The following CENPT variants were observed in gnomAD, a reference collection of about 807,000 sequenced individuals.
The protein encoded by CENPT is centromere protein T.
In CENPT, 42 loss-of-function variants were observed where a neutral mutation model predicts 59.7. The observed-to-expected ratio is 0.70, with a 90% CI of 0.55 to 0.91. CENPT has a LOEUF of 0.91. Ranked by LOEUF, CENPT falls within the 40% of genes least tolerant of loss-of-function variation. CENPT has a pLI of 0.00. For missense variants in CENPT, 716 were observed against 713.4 expected (o/e 1.00, Z -0.04); for synonymous variants, 295 against 289.6 (o/e 1.02, Z -0.19).
In CENPT at chr16:67,843,661, C is replaced by CAGGAGGAAA; in HGVS notation, c.-492+3739_-492+3740insTTTCCTCCT. Reference sequence around the variant, plus strand: ...GACCTGGCATCCTCAATTGTTTCCTCCTGAAGTGGAAGCTGGGGCCTTAGA... The same window carrying CAGGAGGAAA: ...GACCTGGCATCCTCAATTGTTTCCTCAGGAGGAAACTGAAGTGGAAGCTGGGGCCTTAGA... On this transcript the variant is annotated intron_variant, in intron 1 of 15. Coordinates refer to ENST00000562787, the MANE Select transcript of CENPT (RefSeq NM_025082.4). This position sits in a 1 kb window ranked among gnomAD's most constrained non-coding sequence, Gnocchi z 5.7. The CAGGAGGAAA allele has an allele frequency of 1.4e-6, 1 of 696,036 alleles. No homozygotes were observed. The highest frequency in any genetic ancestry group is 2.4e-6 in the Non-Finnish European group (1 of 421,032). 43.1% of individuals were successfully genotyped at this position (696,036 alleles called of 1,614,324 possible). A position where few individuals can be genotyped will look rare whatever the true frequency, so the allele number is the denominator to read the frequency against.
rs914985553 is a variant in CENPT at position 67,847,552 on chromosome 16, C to T, written c.-643G>A. 7 of 152,444 alleles carry T rather than the reference C, an allele frequency of 4.6e-5. No homozygotes were observed. Among genetic ancestry groups the T allele is most frequent in the African/African-American group, 1.7e-4 (7 of 41,490 alleles). The allele number at this position is 152,444 out of a possible 1,614,324, so 9.4% of individuals were successfully genotyped here. ...GTGTAGGTGAACGCCCCCTCCTTGT[C>T]TGCCCCTCGGAAGTGTACGTTTCTT... On this transcript the variant is annotated 5_prime_UTR_variant, in exon 1 of 16. Coordinates refer to ENST00000562787, the MANE Select transcript of CENPT (RefSeq NM_025082.4).
chr16:67,828,233 A>C lies in CENPT; in HGVS notation c.*34T>G, dbSNP rs1271946081. On this transcript the variant is annotated 3_prime_UTR_variant, in exon 16 of 16. Coordinates refer to ENST00000562787, the MANE Select transcript of CENPT (RefSeq NM_025082.4). ...GAAATATGTGGGGGCAAGAGTCCCCAGGTGGGGACAGGGAAAGTGTTGAAG... is the reference window on the plus strand; with the variant it reads ...GAAATATGTGGGGGCAAGAGTCCCCCGGTGGGGACAGGGAAAGTGTTGAAG... 6.5e-7 allele frequency: 1 copy of C among 1,546,996 alleles called. No individual in the cohort carries two copies. The highest frequency in any genetic ancestry group is 1.4e-5 in the African/African-American group (1 of 72,772).
chr16:67,839,059 T>C (rs764070317), intron 1 of CENPT, among the ~76,000 whole-genome samples: 8 of 151,874 alleles, frequency 5.3e-5, no homozygotes, highest in Admixed American at 1.3e-4. Flanking sequence ...CAGACTAGCC[T>C]GCCCAACATG....
chr16:67,828,565 A>G lies in CENPT; in HGVS notation c.1471T>C (p.Phe491Leu). 1.9e-6 allele frequency: 3 copies of G among 1,614,210 alleles called. No homozygotes were observed. Among genetic ancestry groups the G allele is most frequent in the Non-Finnish European group, 2.5e-6 (3 of 1,180,028 alleles). Residue 491 changes from phenylalanine (F) to leucine (L), a missense_variant, in exon 15 of 16, where the codon TTC (phenylalanine) becomes CTC (leucine). Transcript: ENST00000562787. ...TCCAGATCATCACAAAGATGCTGGA[A>G]ATATTTATCTAGGCTGTCAAGAAGG... Reference protein sequence around the residue: ...EMVEKCLDKYFQHLCDDLEVF... With the variant: ...EMVEKCLDKYLQHLCDDLEVF...
In CENPT at chr16:67,832,520, C is replaced by A; in HGVS notation, c.136G>T (p.Ala46Ser). The A allele has an allele frequency of 6.2e-7, 1 of 1,614,122 alleles. No individual in the cohort carries two copies. Among genetic ancestry groups the A allele is most frequent in the Non-Finnish European group, 8.5e-7 (1 of 1,180,002 alleles). Residue 46 changes from alanine (A) to serine (S), a missense_variant, in exon 5 of 16, where the codon GCT becomes TCT. Ala to Ser is a moderately conservative substitution (Grantham distance 99, BLOSUM62 1). Transcript: ENST00000562787. ...AGARRALLET[A>S]SPRKLSGQTR... ...TGGCCACTCAACTTCCTGGGGGAAG[C>A]CGTTTCAAGCAGGGCTCTCCGGGCT...
chr16:67,846,239 T>G (rs184446941), intron 1 of CENPT, among the ~76,000 whole-genome samples: 2 of 152,386 alleles, frequency 1.3e-5, no homozygotes, highest in Non-Finnish European at 2.9e-5. Context: ...AACACTTAGC[T>G]GCTCTATCTG....
intron 11 of CENPT, 24 bp downstream of exon 11, chr16:67,830,366 A>G (rs1298384113): frequency 1.3e-6 from 2 of 1,585,408 alleles, no homozygotes; most frequent in African/African-American, 1.4e-5. Flanking sequence ...ATTTGGCTCC[A>G]GGCCACCAGT....
Position 67,828,332 on chromosome 16 carries a change from G to T in CENPT, c.1621C>A (p.Leu541Met). Residue 541 changes from leucine to methionine, a missense_variant, in exon 16 of 16, where the codon CTG (leucine) becomes ATG (methionine). Physicochemically the swap from Leu to Met is conservative, Grantham distance 15. Transcript: ENST00000562787. ...GGGATGAGCAGCTGCCGGTACTCCA[G>T]GGGCAGGTGCCGCTCCACTAGCACG... ...LHVLVERHLPLEYRQLLIPCA... is the reference protein window; with the variant it reads ...LHVLVERHLPMEYRQLLIPCA... The T allele has an allele frequency of 6.2e-7, 1 of 1,609,536 alleles. No individual in the cohort carries two copies. The highest frequency in any genetic ancestry group is 1.1e-5 in the South Asian group (1 of 90,822).
chr16:67,831,963 C>G, intron 7 of CENPT, 49 bp downstream of exon 7: 1 of 1,586,788 alleles, frequency 6.3e-7, no homozygotes, highest in Non-Finnish European at 8.6e-7. Flanking sequence ...AAGAAACTCC[C>G]GGACTAAGCT....
At position 67,831,234 on chromosome 16, in the gene CENPT, T is replaced by C; in HGVS notation, c.685A>G (p.Thr229Ala). Residue 229 changes from threonine to alanine, a missense_variant, in exon 10 of 16, where the codon ACT (threonine) becomes GCT (alanine). Physicochemically the swap from Thr to Ala is moderately conservative, Grantham distance 58. Transcript: ENST00000562787. The part of the protein sequence containing the change: ...VGAFLRDLRD[T>A]SLAPPNIVLE... ...ACCTTACTTGGAGGAGCCAGGGAAG[T>C]ATCTCGCAGATCCCGCAAAAAGGCA... 1 of 1,613,860 alleles carries C rather than the reference T, an allele frequency of 6.2e-7. No individual in the cohort carries two copies. Among genetic ancestry groups the C allele is most frequent in the Non-Finnish European group, 8.5e-7 (1 of 1,180,002 alleles).
Position 67,843,101 on chromosome 16 carries a change from G to A in CENPT, c.-492+4300C>T. 1.2e-6 allele frequency: 2 copies of A among 1,610,984 alleles called. No individual in the cohort carries two copies. Among genetic ancestry groups the A allele is most frequent in the Non-Finnish European group, 1.7e-6 (2 of 1,179,964 alleles). On this transcript the variant is annotated intron_variant, in intron 1 of 15. Transcript: ENST00000562787. The surrounding 1 kb of genome is among the most constrained non-coding windows in gnomAD (Gnocchi z 5.7). ...GCCGGCGCCCATCACTCCCACTGGAGAAGACGTGAAGCCCATCGATCTCAC... is the reference window on the plus strand; with the variant it reads ...GCCGGCGCCCATCACTCCCACTGGAAAAGACGTGAAGCCCATCGATCTCAC...
chr16:67,846,693 C>G (rs1265491179), intron 1 of CENPT: 1 of 152,466 alleles, frequency 6.6e-6, no homozygotes, highest in Non-Finnish European at 1.5e-5. Flanking sequence ...GCGCCAACCT[C>G]TAGTGTTCCA....
In CENPT at chr16:67,828,803, G is replaced by A. The variant is rs188159138; in HGVS notation, c.1321C>T (p.Pro441Ser). The A allele has an allele frequency of 1.9e-6, 3 of 1,596,164 alleles. No individual in the cohort carries two copies. The highest frequency in any genetic ancestry group is 2.3e-5 in the South Asian group (2 of 88,222). ...EPAEPLLVRH[P>S]PRPRTTGPRP... ...GGGCCGGTGGTCCGGGGCCTAGGGG[G>A]ATGCCTGACCAACAGAGGCTCTGCA... is the stretch of plus-strand genomic sequence containing the variant. Residue 441 changes from proline to serine, a missense_variant, in exon 14 of 16, where the codon CCC becomes TCC. Pro to Ser is a moderately conservative substitution (Grantham distance 74). Coordinates refer to ENST00000562787, the MANE Select transcript of CENPT (RefSeq NM_025082.4).
In CENPT at chr16:67,832,509, C is replaced by T. The variant is rs1345518468; in HGVS notation, c.147G>A (p.Arg49=). 6.2e-7 allele frequency: 1 copy of T among 1,614,130 alleles called. No homozygotes were observed. The highest frequency in any genetic ancestry group is 2.2e-5 in the East Asian group (1 of 44,874). The change falls in exon 5 of 16, where the codon AGG becomes AGA. Residue 49 remains arginine, a synonymous_variant. Coordinates refer to ENST00000562787, the MANE Select transcript of CENPT (RefSeq NM_025082.4). ...TCGTCCTTGTTTGGCCACTCAACTTCCTGGGGGAAGCCGTTTCAAGCAGGG... is the reference window on the plus strand; with the variant it reads ...TCGTCCTTGTTTGGCCACTCAACTTTCTGGGGGAAGCCGTTTCAAGCAGGG... ...RRALLETASP[R]KLSGQTRTIA... is the part of the protein sequence containing the mutation.
intron 10 of CENPT, 126 bp downstream of exon 10, chr16:67,831,090 T>G (rs2057683060): frequency 1.6e-6 from 2 of 1,251,858 alleles, no homozygotes; most frequent in Non-Finnish European, 2.3e-6. Context: ...GTAGACCCAC[T>G]GACCAGAGTT....
At chr16:67,836,047 G>C (rs1567371822) in intron 1 of CENPT, among the ~76,000 whole-genome samples, 1 of 146,776 alleles carries the variant, frequency 6.8e-6, no homozygotes, top group Non-Finnish European at 1.5e-5. Flanking sequence ...CTGGTCTGCA[G>C]TTTTGTTTTT....
rs1408470804 is a variant in CENPT, at chr16:67,829,854, T to C, written c.1097A>G (p.Glu366Gly). The change falls in exon 12 of 16, where the codon GAG becomes GGG. Residue 366 changes from glutamate to glycine, a missense_variant. Physicochemically the swap from Glu to Gly is moderately conservative, Grantham distance 98 (BLOSUM62 -2). Transcript: ENST00000562787. ...CTGGGATCCCTCTGCTTCTGTCACCTCTGTGTGTCCCTCAGCCTCTTCTAC... is the reference window on the plus strand; with the variant it reads ...CTGGGATCCCTCTGCTTCTGTCACCCCTGTGTGTCCCTCAGCCTCTTCTAC... ...SRVEEAEGHT[E>G]VTEAEGSQGT... is the part of the protein sequence containing the mutation. 1 of 1,614,206 alleles carries C rather than the reference T, an allele frequency of 6.2e-7. No individual in the cohort carries two copies. Among genetic ancestry groups the C allele is most frequent in the East Asian group, 2.2e-5 (1 of 44,886 alleles).
chr16:67,832,984 T>C (rs1185911627), intron 4 of CENPT, among the ~76,000 whole-genome samples: 4 of 152,182 alleles, frequency 2.6e-5, no homozygotes, highest in Admixed American at 6.5e-5. Context: ...CCAGTCCCTC[T>C]CAGATTCCAG....
intron 11 of CENPT, 96 bp from the exon 12 acceptor site, chr16:67,830,184 C>A: frequency 7.5e-7 from 1 of 1,327,938 alleles, no homozygotes. Flanking sequence ...CCCAGTCCTG[C>A]CCACTGAGGA....
Sources: gnomAD v4.1 joint callset for allele counts (sites outside exome capture counted in the v4.1 genomes callset) on GRCh38, gnomAD v4.1.1 for gene constraint, Gnocchi (gnomAD v3.1) non-coding constraint, MANE v1.5 for transcripts, NCBI Gene and HGNC (gene_info 2026-07-23, HGNC 2026-07-21) for gene names.